Variants in PAH observed in about 807,000 individuals in gnomAD.
PAH encodes the protein phenylalanine-4-hydroxylase.
In PAH, 64 loss-of-function variants were observed where a neutral mutation model predicts 62.0. That is an observed-to-expected ratio of 1.03 (90% CI 0.84 to 1.27). The LOEUF is 1.27. Ranked by LOEUF, PAH falls within the 50% of genes most tolerant of loss-of-function variation. The pLI is 0.00. For synonymous variants in PAH, 195 were observed against 196.2 expected (o/e 0.99, Z 0.05); for missense variants, 579 against 542.8 (o/e 1.07, Z -0.66).
intron 1 of PAH, among the ~76,000 whole-genome samples, chr12:102,927,358 C>T (rs1878714764): frequency 6.7e-6 from 1 of 150,198 alleles, no homozygotes; most frequent in Admixed American, 6.7e-5. Flanking sequence ...TACTGCCTGG[C>T]AGTTTTCTCT....
At chr12:102,889,880 T>C (rs1387660279) in intron 3 of PAH, among the ~76,000 whole-genome samples, 1 of 152,138 alleles carries the variant, frequency 6.6e-6, no homozygotes, top group Non-Finnish European at 1.5e-5. Context: ...AAAGGATTAG[T>C]AGATTGATCG....
rs1038410389 is a variant in PAH, at chr12:102,912,958, T to C, written c.61-60A>G. 43 of 1,111,408 alleles carry C rather than the reference T, an allele frequency of 3.9e-5. No homozygotes were observed. The African/African-American group carries it at 4.8e-4, about 12-fold the overall frequency. 68.8% of individuals were successfully genotyped at this position (1,111,408 alleles called of 1,614,324 possible). ...CCACAGTTTAGCAATTCATTCCTGT[T>C]AAACCTCCATGGACAAAGCAAGCAT... On this transcript the variant is annotated intron_variant, in intron 1 of 12. Coordinates refer to ENST00000553106, the MANE Select transcript of PAH (RefSeq NM_000277.3).
chr12:102,887,951 C>G (rs955961058), intron 3 of PAH, among the ~76,000 whole-genome samples: 1 of 152,154 alleles, frequency 6.6e-6, no homozygotes, highest in Non-Finnish European at 1.5e-5. Context: ...ACACACCTGT[C>G]ACACAGAGAA....
Position 102,850,519 on chromosome 12 carries a change from A to C in PAH, c.912+1168T>G, listed in dbSNP as rs186309346. ...CTGAAATCCCAATACTTGGCTCAGC[A>C]TTTGCTCATAGGTCATTCCATTTGA... On this transcript the variant is annotated intron_variant, in intron 8 of 12. Coordinates refer to ENST00000553106, the MANE Select transcript of PAH (RefSeq NM_000277.3). Among the ~76,000 whole-genome samples, 3 of 152,296 alleles carry C rather than the reference A, an allele frequency of 2.0e-5. No homozygotes were observed. The East Asian group carries it at 5.8e-4, about 29-fold the overall frequency.
chr12:102,851,093 G>GA (rs369658086), intron 8 of PAH, among the ~76,000 whole-genome samples: 20 of 146,136 alleles, frequency 1.4e-4, no homozygotes, highest in Middle Eastern at 3.5e-3. Flanking sequence ...TGCCTTAAAA[G>GA]AAAAAAAAAA....
rs2136628737 is a variant in PAH, at chr12:102,837,016, C to T, written c.*2159G>A. 1 of 152,274 alleles carries T rather than the reference C, an allele frequency of 6.6e-6. No individual in the cohort carries two copies. Among genetic ancestry groups the T allele is most frequent in the Non-Finnish European group, 1.5e-5 (1 of 68,018 alleles). 9.4% of individuals were successfully genotyped at this position (152,274 alleles called of 1,614,324 possible). ...ACTTATTAAACATCAATGCCACATG[C>T]TTAGAATTTTTTATGTATTTATTTT... On this transcript the variant is annotated 3_prime_UTR_variant, in exon 13 of 13. Coordinates refer to ENST00000553106, the MANE Select transcript of PAH (RefSeq NM_000277.3).
At chr12:102,929,221 T>C (rs113881515) in intron 1 of PAH, among the ~76,000 whole-genome samples, 4,924 of 152,208 alleles carry the variant, frequency 0.032, 275 homozygotes, top group African/African-American at 0.11. Context: ...GGTATGTCTT[T>C]ATTAGCAGCA....
intron 2 of PAH, among the ~76,000 whole-genome samples, chr12:102,895,589 G>A (rs1877464021): frequency 1.3e-5 from 2 of 152,210 alleles, no homozygotes; most frequent in Admixed American, 1.3e-4. Context: ...GCTCACGCCT[G>A]TAATCCCAGC....
chr12:102,906,384 T>C (rs1051717786), intron 2 of PAH, among the ~76,000 whole-genome samples: 6 of 152,100 alleles, frequency 3.9e-5, no homozygotes, highest in Non-Finnish European at 8.8e-5. Flanking sequence ...TTTTTGCATA[T>C]TACTTACCAA....
In PAH at chr12:102,877,557, C is replaced by A. The variant is rs2136679264; in HGVS notation, c.353-7G>T. On this transcript the variant is annotated splice_polypyrimidine_tract_variant and splice_region_variant and intron_variant, in intron 3 of 12. Coordinates refer to ENST00000553106, the MANE Select transcript of PAH (RefSeq NM_000277.3). ...GTTCTTGGGAACCAGGGCACTGAAA[C>A]ACAGAGAAGGCAACGTCCTGAGTAC... is the stretch of plus-strand genomic sequence containing the variant. The A allele has an allele frequency of 1.2e-6, 2 of 1,610,990 alleles. No individual in the cohort carries two copies. The highest frequency in any genetic ancestry group is 1.7e-6 in the Non-Finnish European group (2 of 1,177,190).
At chr12:102,894,370 A>T (rs1877404472) in intron 3 of PAH, among the ~76,000 whole-genome samples, 1 of 151,966 alleles carries the variant, frequency 6.6e-6, no homozygotes, top group African/African-American at 2.4e-5. Flanking sequence ...TTAAAATAAA[A>T]GTCAAAAGAA....
rs202183605 is a variant in PAH at position 102,844,432 on chromosome 12, C to G, written c.970-1G>C. ...CAAACTCCACAGTAAACCAGTAAAT[C>G]TGGAATGGAAAGTCAATCTGAGAGC... is the stretch of plus-strand genomic sequence containing the variant. On this transcript the variant is annotated splice_acceptor_variant, in intron 9 of 12. Transcript: ENST00000553106. LOFTEE classifies it high-confidence loss of function. 6 of 1,607,394 alleles carry G rather than the reference C, an allele frequency of 3.7e-6. No individual in the cohort carries two copies. The highest frequency in any genetic ancestry group is 5.1e-6 in the Non-Finnish European group (6 of 1,174,136).
intron 9 of PAH, among the ~76,000 whole-genome samples, chr12:102,845,590 G>A (rs544715825): frequency 1.3e-5 from 2 of 152,322 alleles, no homozygotes; most frequent in East Asian, 3.9e-4. Flanking sequence ...GGGTTCTGGG[G>A]CTAAGAGGAA....
At chr12:102,928,895 A>G (rs1878763270) in intron 1 of PAH, among the ~76,000 whole-genome samples, 1 of 152,138 alleles carries the variant, frequency 6.6e-6, no homozygotes, top group African/African-American at 2.4e-5. Flanking sequence ...TTCTATGATT[A>G]TAACTGCCTT....
At chr12:102,898,656 C>T (rs1877610403) in intron 2 of PAH, among the ~76,000 whole-genome samples, 1 of 152,128 alleles carries the variant, frequency 6.6e-6, no homozygotes, top group African/African-American at 2.4e-5. Flanking sequence ...CCCAACAATC[C>T]TTTGAAAAGG....
At chr12:102,873,484 T>G (rs1592966463) in intron 4 of PAH, among the ~76,000 whole-genome samples, 1 of 152,306 alleles carries the variant, frequency 6.6e-6, no homozygotes, top group Non-Finnish European at 1.5e-5. Context: ...GAACTTTTAT[T>G]GGGTTGGCCA....
rs775844366 is a variant in PAH at position 102,851,673 on chromosome 12, A to C, written c.912+14T>G. 1 of 1,612,550 alleles carries C rather than the reference A, an allele frequency of 6.2e-7. No individual in the cohort carries two copies. The highest frequency in any genetic ancestry group is 1.3e-5 in the African/African-American group (1 of 74,998). On this transcript the variant is annotated intron_variant, in intron 8 of 12. Transcript: ENST00000553106. ...CAGACCTATAACTAGAAGGCTAAAA[A>C]ATCCATTCCTTACCTGGGAAAACTG... is the stretch of plus-strand genomic sequence containing the variant.
At chr12:102,945,444 G>C (rs1879458838) in intron 1 of PAH, among the ~76,000 whole-genome samples, 1 of 152,206 alleles carries the variant, frequency 6.6e-6, no homozygotes, top group Non-Finnish European at 1.5e-5. Flanking sequence ...CCAGAGCCTG[G>C]AGTTGGAAAC....
At chr12:102,911,258 A>G (rs1011395199) in intron 2 of PAH, among the ~76,000 whole-genome samples, 4 of 152,158 alleles carry the variant, frequency 2.6e-5, no homozygotes, top group African/African-American at 9.7e-5. Context: ...AAGAAAGGAT[A>G]AAGTTATATA....
Sources: allele counts gnomAD v4.1 joint callset (sites outside exome capture counted in the v4.1 genomes callset), GRCh38; gene constraint gnomAD v4.1.1; transcripts MANE v1.5; gene names NCBI Gene and HGNC (gene_info 2026-07-23, HGNC 2026-07-21).